The following B3GALNT2 variants were observed in gnomAD, a reference collection of about 807,000 sequenced individuals.
B3GALNT2 encodes beta-1,3-N-acetylgalactosaminyltransferase 2, also known as UDP-GalNAc:beta-1,3-N-acetylgalactosaminyltransferase 2.
A neutral mutation model predicts 61.1 loss-of-function variants in B3GALNT2; 53 were observed. The observed-to-expected ratio is 0.87, with a 90% CI of 0.70 to 1.09. The LOEUF (loss-of-function observed/expected upper bound fraction) is 1.09, where lower values mean the gene tolerates loss of function less well. Ranked by LOEUF, B3GALNT2 falls within the 50% of genes least tolerant of loss-of-function variation. The pLI is 0.00. For synonymous variants in B3GALNT2, 223 were observed against 237.4 expected (o/e 0.94, Z 0.56); for missense variants, 544 against 623.0 (o/e 0.87, Z 1.35).
chr1:235,451,527 T>C (rs1032739827), intron 11 of B3GALNT2: 5 of 144,570 alleles, frequency 3.5e-5, no homozygotes, highest in Non-Finnish European at 7.5e-5. Context: ...TGAACAACAG[T>C]TGTAGAAACA....
chr1:235,497,898 C>T (rs574995189), intron 1 of B3GALNT2, among the ~76,000 whole-genome samples: 2 of 152,316 alleles, frequency 1.3e-5, no homozygotes, highest in South Asian at 4.1e-4. Context: ...ATGGAAACCT[C>T]TTTTTGATCT....
intron 7 of B3GALNT2, among the ~76,000 whole-genome samples, chr1:235,461,889 T>C (rs771087612): frequency 7.2e-5 from 11 of 152,226 alleles, no homozygotes; most frequent in Non-Finnish European, 1.2e-4. Context: ...CCAGAAACCA[T>C]GCTTTGAGTA....
chr1:235,449,460 G>A lies in B3GALNT2; in HGVS notation c.*746C>T, dbSNP rs967971108. On this transcript the variant is annotated 3_prime_UTR_variant, in exon 12 of 12. Coordinates refer to ENST00000366600, the MANE Select transcript of B3GALNT2 (RefSeq NM_152490.5). ...TCCCGATGGCACTAAAACCCTGAGA[G>A]GTATTTGCTTTTATTCATACTCACA... 1 of 152,874 alleles carries A rather than the reference G, an allele frequency of 6.5e-6. No individual in the cohort carries two copies. The highest frequency in any genetic ancestry group is 2.4e-5 in the African/African-American group (1 of 41,418). 9.5% of individuals were successfully genotyped at this position (152,874 alleles called of 1,614,324 possible).
chr1:235,496,624 C>T (rs956409133), intron 1 of B3GALNT2, among the ~76,000 whole-genome samples: 1 of 150,848 alleles, frequency 6.6e-6, no homozygotes, highest in East Asian at 2.0e-4. Context: ...CGGCTCACTG[C>T]AACCTCTGCC....
chr1:235,448,178 C>T lies in B3GALNT2; in HGVS notation c.*2028G>A, dbSNP rs948381113. 8.1e-5 allele frequency among the ~76,000 whole-genome samples: 11 copies of T among 136,534 alleles called. No individual in the cohort carries two copies. The highest frequency in any genetic ancestry group is 1.1e-4 in the Non-Finnish European group (7 of 66,304). The allele number at this position is 136,534 out of a possible 152,430, so 89.6% of individuals were successfully genotyped here. A position where few individuals can be genotyped will look rare whatever the true frequency, so the allele number is the denominator to read the frequency against. On this transcript the variant is annotated 3_prime_UTR_variant, in exon 12 of 12. Transcript: ENST00000366600. ...TTACACCATTGCACTCCAGCCTGGG[C>T]GACAGAGCAAGACTTACTTAAGTAA...
chr1:235,474,758 T>C (rs1056652332), intron 5 of B3GALNT2, among the ~76,000 whole-genome samples: 7 of 150,214 alleles, frequency 4.7e-5, no homozygotes, highest in African/African-American at 1.7e-4. Flanking sequence ...GAGGTGGAGG[T>C]TGCAGTGAGC....
In B3GALNT2 at chr1:235,480,885, C is replaced by T. The variant is rs140269403; in HGVS notation, c.556-736G>A. Reference sequence around the variant, plus strand: ...TGCACCACTGCACTCCAGCCTGGACCGCAGAGCCAGACTCTGTCTCAAAAA... The same window carrying T: ...TGCACCACTGCACTCCAGCCTGGACTGCAGAGCCAGACTCTGTCTCAAAAA... On this transcript the variant is annotated intron_variant, in intron 4 of 11. Coordinates refer to ENST00000366600, the MANE Select transcript of B3GALNT2 (RefSeq NM_152490.5). Among the ~76,000 whole-genome samples, 1,040 of 126,608 alleles carry T rather than the reference C, an allele frequency of 8.2e-3. 13 individuals carry two copies. The highest frequency in any genetic ancestry group is 0.03 in the African/African-American group (994 of 33,236). The allele number at this position is 126,608 out of a possible 152,430, so 83.1% of individuals were successfully genotyped here. A position where few individuals can be genotyped will look rare whatever the true frequency, so the allele number is the denominator to read the frequency against.
rs190612419 is a variant in B3GALNT2, at chr1:235,458,099, G to A, written c.1025+504C>T. Among the ~76,000 whole-genome samples the A allele has an allele frequency of 2.3e-4, 34 of 151,104 alleles. 1 individual carries two copies. Among genetic ancestry groups the A allele is most frequent in the African/African-American group, 8.1e-4 (33 of 40,586 alleles). On this transcript the variant is annotated intron_variant, in intron 8 of 11. Transcript: ENST00000366600. ...ATTTTTGTATTTTTAGTAGAAACAG[G>A]GTTTCACCATGTTGGCCAGGCTGGT...
chr1:235,496,317 A>G, intron 1 of B3GALNT2: 1 of 1,043,472 alleles, frequency 9.6e-7, no homozygotes, highest in South Asian at 1.7e-5. Flanking sequence ...ACCTGAAAAA[A>G]AAAAAAAAGT....
Position 235,458,608 on chromosome 1 carries a change from A to T in B3GALNT2, c.1020T>A (p.Tyr340Ter). 6.2e-7 allele frequency: 1 copy of T among 1,602,900 alleles called. No homozygotes were observed. The highest frequency in any genetic ancestry group is 8.5e-7 in the Non-Finnish European group (1 of 1,176,570). ...CCAACATTTTTACAACCTACCATCTATAGAAGTTCAATAATTTTGCAGGAA... is the reference window on the plus strand; with the variant it reads ...CCAACATTTTTACAACCTACCATCTTTAGAAGTTCAATAATTTTGCAGGAA... Reference protein sequence around the residue: ...RNVPAKLLNFYRWTVETTSFN... With the variant: ...RNVPAKLLNF Residue 340 changes from tyrosine to a stop codon, truncating the protein, a stop_gained, in exon 8 of 12, where the codon TAT becomes TAA. Coordinates refer to ENST00000366600, the MANE Select transcript of B3GALNT2 (RefSeq NM_152490.5). LOFTEE classifies it high-confidence loss of function.
At chr1:235,475,260 G>T (rs972952966) in intron 5 of B3GALNT2, among the ~76,000 whole-genome samples, 11 of 151,730 alleles carry the variant, frequency 7.2e-5, no homozygotes, top group Non-Finnish European at 2.9e-5. Context: ...GCCTCCCAAA[G>T]TGCTGGGATT....
intron 7 of B3GALNT2, among the ~76,000 whole-genome samples, chr1:235,459,322 C>T (rs1222509097): frequency 6.6e-6 from 1 of 152,138 alleles, no homozygotes; most frequent in Admixed American, 6.5e-5. Context: ...ACACTCAAAA[C>T]TATGTTATTT....
rs140104308 is a variant in B3GALNT2 at position 235,448,745 on chromosome 1, C to A, written c.*1461G>T. 6.2e-7 allele frequency: 1 copy of A among 1,613,138 alleles called. No individual in the cohort carries two copies. Among genetic ancestry groups the A allele is most frequent in the Non-Finnish European group, 8.5e-7 (1 of 1,179,246 alleles). On this transcript the variant is annotated 3_prime_UTR_variant, in exon 12 of 12. Coordinates refer to ENST00000366600, the MANE Select transcript of B3GALNT2 (RefSeq NM_152490.5). ...TTATTCTGTGGAAAATGGAGATTGT[C>A]TATTAGTGCGATGGTGACAACCAAC...
intron 11 of B3GALNT2, 165 bp from the exon 12 acceptor site, chr1:235,450,505 G>A: frequency 1.3e-6 from 1 of 772,254 alleles, no homozygotes; most frequent in Non-Finnish European, 2.0e-6. Flanking sequence ...GGCACCTCCT[G>A]ATTTGGGAAA....
At chr1:235,485,807 C>G (rs913932885) in intron 3 of B3GALNT2, among the ~76,000 whole-genome samples, 7 of 152,162 alleles carry the variant, frequency 4.6e-5, no homozygotes, top group Non-Finnish European at 2.9e-5. Flanking sequence ...CACCTATTTA[C>G]TTACAAAATA....
intron 11 of B3GALNT2, 43 bp from the exon 12 acceptor site, chr1:235,450,383 G>A (rs1682825326): frequency 6.2e-7 from 1 of 1,600,666 alleles, no homozygotes. Context: ...TGGTGAAACT[G>A]TTTTAAGAGC....
At chr1:235,492,696 C>CA (rs925038007) in intron 2 of B3GALNT2, among the ~76,000 whole-genome samples, 27 of 151,082 alleles carry the variant, frequency 1.8e-4, no homozygotes, top group African/African-American at 4.6e-4. Flanking sequence ...TAAGTGTTAC[C>CA]AAAAAAAAAT....
rs1470669806 is a variant in B3GALNT2 at position 235,455,629 on chromosome 1, T to G, written c.1081A>C (p.Ile361Leu). ...LLLKTDDDCY[I>L]DLEAVFNRIV... ...CTATTAAATACAGCTTCGAGGTCTA[T>G]GTAACAGTCATCATCTGTCTTCAGC... Residue 361 changes from isoleucine to leucine, a missense_variant, in exon 9 of 12, where the codon ATA (isoleucine) becomes CTA (leucine). Transcript: ENST00000366600. The G allele has an allele frequency of 3.1e-6, 5 of 1,604,668 alleles. No homozygotes were observed. Among genetic ancestry groups the G allele is most frequent in the Non-Finnish European group, 4.3e-6 (5 of 1,171,316 alleles).
At chr1:235,456,040 T>G (rs930832737) in intron 8 of B3GALNT2, among the ~76,000 whole-genome samples, 37 of 152,254 alleles carry the variant, frequency 2.4e-4, no homozygotes, top group Non-Finnish European at 3.7e-4. Flanking sequence ...TTGCCCCGTG[T>G]GTTCTTAATA....
Sources: allele counts gnomAD v4.1 joint callset (sites outside exome capture counted in the v4.1 genomes callset), GRCh38; gene constraint gnomAD v4.1.1; transcripts MANE v1.5; gene names NCBI Gene and HGNC (gene_info 2026-07-23, HGNC 2026-07-21).